The following ZNF423 variants were observed in gnomAD, a reference collection of about 807,000 sequenced individuals.
The protein encoded by ZNF423 is Ebf-associated zinc finger protein.
ZNF423 carries 12 observed loss-of-function variants against 95.8 expected under a neutral mutation model. That is an observed-to-expected ratio of 0.13 (90% CI 0.08 to 0.20). The LOEUF (loss-of-function observed/expected upper bound fraction) is 0.20. Ranked by LOEUF, ZNF423 falls within the 10% of genes least tolerant of loss-of-function variation. The pLI, the probability that ZNF423 is intolerant of heterozygous loss-of-function variation, is 1.00. For synonymous variants in ZNF423, 749 were observed against 711.9 expected (o/e 1.05, Z -0.83); for missense variants, 1,316 against 1,737.1 (o/e 0.76, Z 4.31).
chr16:49,770,481 C>T (rs536299641), intron 2 of ZNF423, among the ~76,000 whole-genome samples: 81 of 152,132 alleles, frequency 5.3e-4, no homozygotes, highest in Non-Finnish European at 7.9e-4. Flanking sequence ...GGGAAGGAGA[C>T]GAAGCCTATG....
intron 5 of ZNF423, among the ~76,000 whole-genome samples, chr16:49,562,185 C>T (rs1466780799): frequency 2.0e-5 from 3 of 152,190 alleles, no homozygotes; most frequent in Non-Finnish European, 4.4e-5. Flanking sequence ...AGTGGTCTGA[C>T]TGCAGTTGAG....
chr16:49,704,664 G>T (rs1267359042), intron 3 of ZNF423, among the ~76,000 whole-genome samples: 1 of 152,160 alleles, frequency 6.6e-6, no homozygotes, highest in Non-Finnish European at 1.5e-5. Context: ...AGTAGATCTG[G>T]AGGGAGTATG....
chr16:49,638,476 C>T lies in ZNF423; in HGVS notation c.700G>A (p.Val234Met). ...GTGGAGGAGAAGCCGCGCTTGCACA[C>T]AGTGCACTTGAAGGGCTTGCTGGAG... ...HSSSKPFKCT[V>M]CKRGFSSTSS... Residue 234 changes from valine (V) to methionine (M), a missense_variant, in exon 4 of 8, where the codon GTG (valine) becomes ATG (methionine). Physicochemically the swap from Val to Met is conservative, Grantham distance 21. Coordinates refer to ENST00000563137, the MANE Select transcript of ZNF423 (RefSeq NM_001379286.1). The surrounding 1 kb of genome is among the most constrained non-coding windows in gnomAD (Gnocchi z 5.6). The T allele has an allele frequency of 1.9e-6, 3 of 1,613,874 alleles. No homozygotes were observed. Among genetic ancestry groups the T allele is most frequent in the Non-Finnish European group, 2.5e-6 (3 of 1,180,032 alleles).
chr16:49,511,659 T>C (rs758776509), intron 7 of ZNF423, among the ~76,000 whole-genome samples: 2 of 152,290 alleles, frequency 1.3e-5, no homozygotes, highest in Non-Finnish European at 2.9e-5. Context: ...GTGTTGTCAG[T>C]GTCCACCCCA....
chr16:49,499,841 G>A (rs2241257), intron 7 of ZNF423, among the ~76,000 whole-genome samples: 26,890 of 152,166 alleles, frequency 0.18, 2,818 homozygotes, highest in African/African-American at 0.28. Context: ...AAACCCACCA[G>A]GGGATAGATT....
At chr16:49,746,077 T>A (rs1249357615) in intron 2 of ZNF423, among the ~76,000 whole-genome samples, 1 of 152,162 alleles carries the variant, frequency 6.6e-6, no homozygotes. Flanking sequence ...CTCAGGCCAG[T>A]CACTTCCTCT....
rs1424879152 is a variant in ZNF423, at chr16:49,635,898, T to C, written c.3278A>G (p.Asn1093Ser). ...GGCGCAGAGGCCGTAGGGCAGCCCATTGACGTCAAGCTTCACCAGGTCCTG... is the reference window on the plus strand; with the variant it reads ...GGCGCAGAGGCCGTAGGGCAGCCCACTGACGTCAAGCTTCACCAGGTCCTG... ...SKQDLVKLDVNGLPYGLCAGC... is the reference protein window; with the variant it reads ...SKQDLVKLDVSGLPYGLCAGC... The change falls in exon 4 of 8, where the codon AAT becomes AGT. Residue 1093 changes from asparagine to serine, a missense_variant. This residue lies in a region of ZNF423 where 620 missense variants were observed against 775.6 expected (regional missense o/e 0.80). Transcript: ENST00000563137. This position sits in a 1 kb window ranked among gnomAD's most constrained non-coding sequence, Gnocchi z 4.8. 3 of 1,582,064 alleles carry C rather than the reference T, an allele frequency of 1.9e-6. No individual in the cohort carries two copies. The highest frequency in any genetic ancestry group is 1.2e-5 in the South Asian group (1 of 85,044).
At chr16:49,576,831 G>A (rs746441183) in intron 5 of ZNF423, among the ~76,000 whole-genome samples, 15 of 152,278 alleles carry the variant, frequency 9.9e-5, no homozygotes, top group Non-Finnish European at 1.8e-4. Flanking sequence ...GAATAGATGC[G>A]CATATATTCT....
At chr16:49,821,432 C>T (rs1032662169) in intron 1 of ZNF423, among the ~76,000 whole-genome samples, 18 of 152,128 alleles carry the variant, frequency 1.2e-4, no homozygotes, top group African/African-American at 4.1e-4. Flanking sequence ...TCTGATTCTT[C>T]CCATTTCCAA....
chr16:49,851,269 C>A (rs925642204), intron 1 of ZNF423, among the ~76,000 whole-genome samples: 1 of 152,130 alleles, frequency 6.6e-6, no homozygotes, highest in Non-Finnish European at 1.5e-5. Context: ...GCATATACTC[C>A]CACCACCACC....
intron 5 of ZNF423, among the ~76,000 whole-genome samples, chr16:49,539,351 C>T (rs1969170173): frequency 6.6e-6 from 1 of 152,174 alleles, no homozygotes; most frequent in African/African-American, 2.4e-5. Flanking sequence ...ACCTCAGCCA[C>T]CATGCCATTC....
chr16:49,742,051 CCTA>C (rs1415742622), intron 2 of ZNF423, among the ~76,000 whole-genome samples: 1 of 152,236 alleles, frequency 6.6e-6, no homozygotes, highest in Non-Finnish European at 1.5e-5. Context: ...TTACTGAGCA[CCTA>C]CTATGTGCCA....
At chr16:49,694,731 C>T (rs757592119) in intron 3 of ZNF423, among the ~76,000 whole-genome samples, 5 of 152,226 alleles carry the variant, frequency 3.3e-5, no homozygotes, top group African/African-American at 9.6e-5. Flanking sequence ...AGGAAGGGCT[C>T]TGATGCCCTC....
chr16:49,848,440 C>T (rs1029790097), intron 1 of ZNF423, among the ~76,000 whole-genome samples: 1 of 152,206 alleles, frequency 6.6e-6, no homozygotes, highest in African/African-American at 2.4e-5. Context: ...TTTCATAGCA[C>T]AAGCAAATCT....
intron 3 of ZNF423, among the ~76,000 whole-genome samples, chr16:49,691,761 G>A (rs766476286): frequency 1.1e-4 from 17 of 151,744 alleles, no homozygotes; most frequent in Non-Finnish European, 1.3e-4. Context: ...GATCCTCAAC[G>A]TTCACAAGTA....
intron 3 of ZNF423, among the ~76,000 whole-genome samples, chr16:49,728,036 C>T (rs550799282): frequency 1.2e-4 from 19 of 152,228 alleles, no homozygotes; most frequent in South Asian, 6.2e-4. Flanking sequence ...TGAATCGCTC[C>T]GACTGGACTG....
chr16:49,736,336 G>T (rs534423496), intron 2 of ZNF423, among the ~76,000 whole-genome samples: 1 of 152,252 alleles, frequency 6.6e-6, no homozygotes, highest in East Asian at 1.9e-4. Context: ...TGTCCTGCCA[G>T]CTTCTTCCTG....
chr16:49,562,972 G>A (rs541814091), intron 5 of ZNF423, among the ~76,000 whole-genome samples: 6 of 152,258 alleles, frequency 3.9e-5, no homozygotes, highest in African/African-American at 1.2e-4. Context: ...TTTTAGTAGA[G>A]ATGGGGTTTC....
chr16:49,541,011 C>T (rs1969227237), intron 5 of ZNF423, among the ~76,000 whole-genome samples: 1 of 152,196 alleles, frequency 6.6e-6, no homozygotes, highest in Admixed American at 6.5e-5. Context: ...CTGCCAAGAG[C>T]AGGATGTCCT....
Sources: allele counts gnomAD v4.1 joint callset (sites outside exome capture counted in the v4.1 genomes callset), GRCh38; gene constraint gnomAD v4.1.1; regional missense constraint gnomAD v4.1.1; non-coding constraint Gnocchi (gnomAD v3.1); transcripts MANE v1.5; gene names NCBI Gene and HGNC (gene_info 2026-07-23, HGNC 2026-07-21).